The following GALNTL6 variants were observed in gnomAD, a reference collection of about 807,000 sequenced individuals.
GALNTL6 encodes the protein polypeptide N-acetylgalactosaminyltransferase like 6.
A neutral mutation model predicts 73.7 loss-of-function variants in GALNTL6; 46 were observed. The ratio of observed to expected loss-of-function variants is 0.62; its 90% CI spans 0.49 to 0.80. GALNTL6 has a LOEUF of 0.80. GALNTL6 is among the 30% of genes least tolerant of loss of function. The probability of loss-of-function intolerance (pLI) is 0.00; values close to 1 mark genes in which losing one functional copy is unlikely to be tolerated. For missense variants in GALNTL6, 604 were observed against 755.0 expected (o/e 0.80, Z 2.34); for synonymous variants, 259 against 263.7 (o/e 0.98, Z 0.17).
At chr4:171,915,393 G>C (rs186108692) in intron 2 of GALNTL6, among the ~76,000 whole-genome samples, 41 of 152,138 alleles carry the variant, frequency 2.7e-4, no homozygotes, top group Non-Finnish European at 5.3e-4. Flanking sequence ...CTGTACGTAG[G>C]GGCTGAATGC....
intron 3 of GALNTL6, among the ~76,000 whole-genome samples, chr4:172,249,915 G>T (rs1737796407): frequency 6.6e-6 from 1 of 152,172 alleles, no homozygotes; most frequent in Non-Finnish European, 1.5e-5. Flanking sequence ...GGAAATGTAG[G>T]GTTGGAGCCC....
At chr4:171,982,435 C>G (rs1739927960) in intron 2 of GALNTL6, among the ~76,000 whole-genome samples, 1 of 152,006 alleles carries the variant, frequency 6.6e-6, no homozygotes, top group Non-Finnish European at 1.5e-5. Flanking sequence ...GTAGCTGGGA[C>G]TACAGGCGCC....
At chr4:172,189,067 A>T (rs1489024819) in intron 2 of GALNTL6, among the ~76,000 whole-genome samples, 1 of 152,174 alleles carries the variant, frequency 6.6e-6, no homozygotes, top group African/African-American at 2.4e-5. Flanking sequence ...TGTTTTCAGG[A>T]TGGCTGAGGG....
chr4:172,154,023 GTTGTGGT>G (rs1052771854), intron 2 of GALNTL6, among the ~76,000 whole-genome samples: 1 of 149,696 alleles, frequency 6.7e-6, no homozygotes, highest in Admixed American at 6.7e-5. Context: ...AAGCAATTGT[GTTGTGGT>G]TTTTGAGGTT....
chr4:172,595,167 T>A (rs137922680), intron 5 of GALNTL6, among the ~76,000 whole-genome samples: 33 of 152,264 alleles, frequency 2.2e-4, no homozygotes, highest in African/African-American at 6.5e-4. Flanking sequence ...ACATTGGAGG[T>A]TAGGATTTCA....
At chr4:172,921,793 C>CAAAAAAAAAAAAAA (rs370693087) in intron 8 of GALNTL6, among the ~76,000 whole-genome samples, 2 of 58,598 alleles carry the variant, frequency 3.4e-5, no homozygotes, top group Non-Finnish European at 3.6e-5. Flanking sequence ...GACCTTGTCT[C>CAAAAAAAAAAAAAA]AAAAAAAAAA....
At chr4:171,999,381 G>A (rs766004119) in intron 2 of GALNTL6, among the ~76,000 whole-genome samples, 1 of 152,150 alleles carries the variant, frequency 6.6e-6, no homozygotes, top group Non-Finnish European at 1.5e-5. Flanking sequence ...ATGGTTTTCT[G>A]TAAATGTGTG....
At chr4:172,948,345 G>A in intron 9 of GALNTL6, among the ~76,000 whole-genome samples, 1 of 152,192 alleles carries the variant, frequency 6.6e-6, no homozygotes, top group African/African-American at 2.4e-5. Flanking sequence ...AGGAATCGAT[G>A]ATTTCACATG....
intron 3 of GALNTL6, among the ~76,000 whole-genome samples, chr4:172,276,508 C>T (rs1165906251): frequency 6.6e-6 from 1 of 152,114 alleles, no homozygotes; most frequent in Non-Finnish European, 1.5e-5. Context: ...TGTTTCTAAC[C>T]CTGTAATCTT....
At chr4:172,678,816 T>C (rs1011902455) in intron 5 of GALNTL6, among the ~76,000 whole-genome samples, 1 of 152,200 alleles carries the variant, frequency 6.6e-6, no homozygotes, top group African/African-American at 2.4e-5. Flanking sequence ...TCTAGCGATG[T>C]TGAAAATATA....
chr4:172,085,863 T>G (rs989408428), intron 2 of GALNTL6, among the ~76,000 whole-genome samples: 19 of 152,132 alleles, frequency 1.2e-4, no homozygotes, highest in African/African-American at 3.9e-4. Context: ...ATTTTGTGCT[T>G]TATCATACTT....
At chr4:172,751,679 A>G (rs1183728613) in intron 5 of GALNTL6, among the ~76,000 whole-genome samples, 2 of 152,212 alleles carry the variant, frequency 1.3e-5, no homozygotes, top group African/African-American at 2.4e-5. Context: ...CATATGCCCA[A>G]TTGACAGCCT....
chr4:172,538,537 C>A (rs557579976), intron 5 of GALNTL6, among the ~76,000 whole-genome samples: 1 of 152,076 alleles, frequency 6.6e-6, no homozygotes, highest in Non-Finnish European at 1.5e-5. Flanking sequence ...TGATGGAGAA[C>A]AACATGAAGC....
intron 10 of GALNTL6, among the ~76,000 whole-genome samples, chr4:172,988,554 A>G (rs571118695): frequency 6.6e-6 from 1 of 152,346 alleles, no homozygotes; most frequent in East Asian, 1.9e-4. Context: ...GAATATGCCT[A>G]AATAAAGAGG....
At chr4:172,469,730 C>T (rs1319243206) in intron 5 of GALNTL6, among the ~76,000 whole-genome samples, 1 of 152,186 alleles carries the variant, frequency 6.6e-6, no homozygotes, top group African/African-American at 2.4e-5. Context: ...AAAGGACACA[C>T]TGAATATTAT....
intron 2 of GALNTL6, among the ~76,000 whole-genome samples, chr4:172,139,411 C>T (rs1733747062): frequency 6.6e-6 from 1 of 152,124 alleles, no homozygotes; most frequent in African/African-American, 2.4e-5. Flanking sequence ...TTACACAATT[C>T]TAGAATTTTA....
At chr4:172,717,311 C>T (rs1735166256) in intron 5 of GALNTL6, among the ~76,000 whole-genome samples, 1 of 152,206 alleles carries the variant, frequency 6.6e-6, no homozygotes, top group Non-Finnish European at 1.5e-5. Flanking sequence ...TCTATGTAAT[C>T]ATTGCACCAT....
chr4:171,968,941 A>G (rs770168792), intron 2 of GALNTL6, among the ~76,000 whole-genome samples: 1 of 151,010 alleles, frequency 6.6e-6, no homozygotes, highest in Non-Finnish European at 1.5e-5. Flanking sequence ...GGTTCAAGCG[A>G]TTTTCCTGCC....
intron 2 of GALNTL6, among the ~76,000 whole-genome samples, chr4:171,996,848 A>C (rs1156796557): frequency 2.0e-5 from 3 of 152,066 alleles, no homozygotes. Context: ...AGCTTGCTTT[A>C]AAGTAATAGC....
Sources: gnomAD v4.1 joint callset for allele counts (sites outside exome capture counted in the v4.1 genomes callset) on GRCh38, gnomAD v4.1.1 for gene constraint, MANE v1.5 for transcripts, NCBI Gene and HGNC (gene_info 2026-07-23, HGNC 2026-07-21) for gene names.